The following ZNF143 variants were observed in gnomAD, a reference collection of about 807,000 sequenced individuals.
ZNF143 encodes the protein SPH-binding factor.
Under a neutral mutation model 74.1 loss-of-function variants are expected in ZNF143, and 49 were observed. That is an observed-to-expected ratio of 0.66 (90% CI 0.53 to 0.84). The LOEUF (loss-of-function observed/expected upper bound fraction) is 0.84, where lower values mean the gene tolerates loss of function less well. Among genes scored for constraint, ZNF143 ranks in the 40% least tolerant of loss-of-function variants. The probability of loss-of-function intolerance (pLI) is 0.00; values close to 1 mark genes in which losing one functional copy is unlikely to be tolerated. For missense variants in ZNF143, 637 were observed against 793.4 expected, an observed-to-expected ratio of 0.80 and a Z score of 2.37; for synonymous variants, 304 against 282.8, an observed-to-expected ratio of 1.07 and a Z score of -0.75.
intron 14 of ZNF143, among the ~76,000 whole-genome samples, chr11:9,518,600 A>C (rs962618537): frequency 6.6e-6 from 1 of 152,052 alleles, no homozygotes; most frequent in Non-Finnish European, 1.5e-5. Flanking sequence ...GCCTGTAATC[A>C]CAGCTACTCA....
intron 14 of ZNF143, among the ~76,000 whole-genome samples, chr11:9,517,411 ATATG>A (rs1481249099): frequency 6.6e-6 from 1 of 152,122 alleles, no homozygotes; most frequent in African/African-American, 2.4e-5. Context: ...TTTTGCATAT[ATATG>A]TGTGAGTAGA....
At chr11:9,479,570 T>A in intron 7 of ZNF143, 24 bp downstream of exon 7, 1 of 1,595,230 alleles carries the variant, frequency 6.3e-7, no homozygotes, top group East Asian at 2.2e-5. Context: ...CTTTTTAATA[T>A]AAAAATCTAG....
chr11:9,489,193 TA>T (rs1245491684), intron 7 of ZNF143, among the ~76,000 whole-genome samples: 1 of 152,216 alleles, frequency 6.6e-6, no homozygotes, highest in Non-Finnish European at 1.5e-5. Flanking sequence ...AGAATGCCTT[TA>T]AGAGAGGTCT....
intron 5 of ZNF143, among the ~76,000 whole-genome samples, chr11:9,476,744 A>ATTTTTTTT (rs1465968655): frequency 4.6e-4 from 21 of 46,020 alleles, no homozygotes; most frequent in Non-Finnish European, 8.2e-4. Flanking sequence ...AAAGGGAGGA[A>ATTTTTTTT]TCTTTTTTTT....
intron 7 of ZNF143, among the ~76,000 whole-genome samples, chr11:9,486,363 T>TATATAATATATATTA (rs1491555379): frequency 2.4e-5 from 1 of 41,252 alleles, no homozygotes; most frequent in Non-Finnish European, 4.4e-5. Context: ...TATATATATA[T>TATATAATATATATTA]TATATATAAT....
At position 9,486,421 on chromosome 11, in the gene ZNF143, T is replaced by TATATATA. The variant is rs370379684; in HGVS notation, c.645+6876_645+6882dup. On this transcript the variant is annotated intron_variant, in intron 7 of 15. Coordinates refer to ENST00000396602, the MANE Select transcript of ZNF143 (RefSeq NM_003442.6). The stretch of plus-strand genomic sequence containing the variant: ...AATATATTATATATATAATATATAT[T>TATATATA]ATATATATTATATATATAATATATT... Among the ~76,000 whole-genome samples the TATATATA allele has an allele frequency of 1.9e-3, 35 of 18,536 alleles. 4 individuals are homozygous for TATATATA. The highest frequency in any genetic ancestry group is 4.9e-3 in the African/African-American group (34 of 6,936). 12.2% of individuals were successfully genotyped at this position (18,536 alleles called of 152,430 possible).
At chr11:9,489,129 G>A (rs1405069490) in intron 7 of ZNF143, among the ~76,000 whole-genome samples, 1 of 152,086 alleles carries the variant, frequency 6.6e-6, no homozygotes, top group Admixed American at 6.6e-5. Flanking sequence ...CTTTCCAGAG[G>A]TTCCTTTTGT....
At chr11:9,490,267 A>G (rs1847718847) in intron 7 of ZNF143, among the ~76,000 whole-genome samples, 1 of 149,874 alleles carries the variant, frequency 6.7e-6, no homozygotes, top group East Asian at 2.0e-4. Flanking sequence ...GAATTATAAC[A>G]CACTTAAGCT....
chr11:9,525,702 A>T (rs1474184606), intron 15 of ZNF143, among the ~76,000 whole-genome samples: 2 of 152,206 alleles, frequency 1.3e-5, no homozygotes, highest in African/African-American at 4.8e-5. Context: ...TCTGTAAAGC[A>T]CTTAAGAGCT....
chr11:9,461,485 C>T (rs1297197634), intron 1 of ZNF143, among the ~76,000 whole-genome samples: 2 of 152,164 alleles, frequency 1.3e-5, no homozygotes, highest in African/African-American at 2.4e-5. Flanking sequence ...AGAGTTCCGC[C>T]GCCTGGGACG....
At position 9,512,464 on chromosome 11, in the gene ZNF143, T is replaced by G; in HGVS notation, c.1392T>G (p.Val464=). 6.2e-7 allele frequency: 1 copy of G among 1,614,148 alleles called. No individual in the cohort carries two copies. Residue 464 remains valine, a synonymous_variant, in exon 13 of 16, where the codon GTT becomes GTG. Transcript: ENST00000396602. ...TTTAAACAGGTCAAGGTGAAGATGTTCTTAAAGGGTCCCAGATTACGTATG... is the reference window on the plus strand; with the variant it reads ...TTTAAACAGGTCAAGGTGAAGATGTGCTTAAAGGGTCCCAGATTACGTATG... ...FEPPPGQGED[V]LKGSQITYVT...
chr11:9,501,088 C>T lies in ZNF143; in HGVS notation c.968-3C>T. ...TTTAATGTATTACCCTTTATATTTGCAGGAGAAAGGCCCTTTAAGTGTCCC... is the reference window on the plus strand; with the variant it reads ...TTTAATGTATTACCCTTTATATTTGTAGGAGAAAGGCCCTTTAAGTGTCCC... On this transcript the variant is annotated splice_polypyrimidine_tract_variant and splice_region_variant and intron_variant, in intron 10 of 15. Transcript: ENST00000396602. 6.2e-7 allele frequency: 1 copy of T among 1,613,986 alleles called. No individual in the cohort carries two copies.
intron 11 of ZNF143, among the ~76,000 whole-genome samples, chr11:9,507,079 A>T (rs1177108639): frequency 2.0e-5 from 3 of 152,196 alleles, no homozygotes; most frequent in African/African-American, 7.2e-5. Context: ...TGGGAATGGG[A>T]ACTGGGCAGA....
At position 9,461,013 on chromosome 11, in the gene ZNF143, C is replaced by A. The variant is rs369691663; in HGVS notation, c.-71C>A. ...CGGGTTGCGGGGCCTGGGGGCCGGA[C>A]GGCTGTTTCCTGTCCTGGTGCATGG... On this transcript the variant is annotated 5_prime_UTR_variant, in exon 1 of 16. Transcript: ENST00000396602. The A allele has an allele frequency of 1.5e-3, 1,451 of 985,734 alleles. 14 individuals carry two copies. In the South Asian group the frequency reaches 0.027, roughly 18 times the overall value. 61.1% of individuals were successfully genotyped at this position (985,734 alleles called of 1,614,324 possible).
At chr11:9,489,919 A>C (rs1159340922) in intron 7 of ZNF143, among the ~76,000 whole-genome samples, 2 of 152,158 alleles carry the variant, frequency 1.3e-5, no homozygotes, top group African/African-American at 4.8e-5. Context: ...GGTGGCTCAC[A>C]CCTGTAATCC....
intron 1 of ZNF143, among the ~76,000 whole-genome samples, chr11:9,462,731 C>T (rs983397468): frequency 2.0e-4 from 30 of 151,940 alleles, no homozygotes; most frequent in African/African-American, 6.0e-4. Flanking sequence ...AAAAATTAGC[C>T]GGGTGTGGTG....
At chr11:9,522,957 T>TG (rs1223350167) in intron 14 of ZNF143, among the ~76,000 whole-genome samples, 1 of 141,628 alleles carries the variant, frequency 7.1e-6, no homozygotes, top group African/African-American at 2.6e-5. Flanking sequence ...TTAGTAGAGG[T>TG]GGGGTTTCAC....
intron 7 of ZNF143, among the ~76,000 whole-genome samples, chr11:9,486,412 A>AATATATTTT (rs1554964446): frequency 1.0e-4 from 2 of 19,326 alleles, no homozygotes; most frequent in East Asian, 1.1e-3. Flanking sequence ...TTATATATAT[A>AATATATTTT]ATATATATTA....
At chr11:9,486,396 A>ATAAT (rs1245802133) in intron 7 of ZNF143, among the ~76,000 whole-genome samples, 169 of 11,854 alleles carry the variant, frequency 0.014, 6 homozygotes, top group Admixed American at 0.019. Context: ...TAATATATAT[A>ATAAT]ATATATTATA....
Sources: gnomAD v4.1 joint callset for allele counts (sites outside exome capture counted in the v4.1 genomes callset) on GRCh38, gnomAD v4.1.1 for gene constraint, MANE v1.5 for transcripts, NCBI Gene and HGNC (gene_info 2026-07-23, HGNC 2026-07-21) for gene names.